BCL11A: variants seen among roughly 807,000 people sequenced by gnomAD.
BCL11A encodes the protein B cell CLL/lymphoma 11A.
A neutral mutation model predicts 55.9 loss-of-function variants in BCL11A; 2 were observed. The ratio of observed to expected loss-of-function variants is 0.04; its 90% CI spans 0.01 to 0.11. The LOEUF (loss-of-function observed/expected upper bound fraction) is 0.11. BCL11A is among the 10% of genes least tolerant of loss of function. The probability of loss-of-function intolerance (pLI) is 1.00; values close to 1 mark genes in which losing one functional copy is unlikely to be tolerated. For synonymous variants in BCL11A, 465 were observed against 473.4 expected (o/e 0.98, Z 0.23); for missense variants, 817 against 1,137.1 (o/e 0.72, Z 4.05).
At position 60,468,848 on chromosome 2, in the gene BCL11A, C is replaced by T; in HGVS notation, c.386-15G>A. 2 of 1,535,064 alleles carry T rather than the reference C, an allele frequency of 1.3e-6. No individual in the cohort carries two copies. Among genetic ancestry groups the T allele is most frequent in the Non-Finnish European group, 1.8e-6 (2 of 1,114,734 alleles). On this transcript the variant is annotated splice_polypyrimidine_tract_variant and intron_variant, in intron 2 of 3. Coordinates refer to ENST00000642384, the MANE Select transcript of BCL11A (RefSeq NM_022893.4). Reference sequence around the variant, plus strand: ...CAGAAGTTTATCTGTGAAAGAAACCCAAAATCAAGCACTACAGCTACAAAC... The same window carrying T: ...CAGAAGTTTATCTGTGAAAGAAACCTAAAATCAAGCACTACAGCTACAAAC...
chr2:60,542,154 G>T (rs958559920), intron 2 of BCL11A: 3 of 352,560 alleles, frequency 8.5e-6, no homozygotes, highest in African/African-American at 6.4e-5. Context: ...CTATGTTCAT[G>T]ATTTTAAAGA....
At chr2:60,527,675 C>T (rs950068314) in intron 2 of BCL11A, 6 of 152,230 alleles carry the variant, frequency 3.9e-5, no homozygotes, top group Non-Finnish European at 2.9e-5. Flanking sequence ...GAGCTCCCAT[C>T]CGATACTCGC....
chr2:60,492,808 G>C (rs939805788), intron 2 of BCL11A, among the ~76,000 whole-genome samples: 1 of 152,142 alleles, frequency 6.6e-6, no homozygotes, highest in Non-Finnish European at 1.5e-5. Flanking sequence ...GTTTTGTTTT[G>C]TTTCGCTTTA....
chr2:60,450,761 A>C (rs1197998188), downstream of BCL11A: 3 of 152,272 alleles, frequency 2.0e-5, 1 homozygote, highest in Non-Finnish European at 4.4e-5. Context: ...TGGAAAAGCC[A>C]CAGGGGAAAG....
Position 60,481,001 on chromosome 2 carries a change from G to A in BCL11A, c.386-12168C>T, listed in dbSNP as rs1274249463. ...AGGCTAGGAAGCTAGACCTGGGAGGGGCATTACAGGCTGGCTGGAAGCCCC... is the reference window on the plus strand; with the variant it reads ...AGGCTAGGAAGCTAGACCTGGGAGGAGCATTACAGGCTGGCTGGAAGCCCC... On this transcript the variant is annotated intron_variant, in intron 2 of 3. Coordinates refer to ENST00000642384, the MANE Select transcript of BCL11A (RefSeq NM_022893.4). Among the ~76,000 whole-genome samples the A allele has an allele frequency of 2.0e-5, 3 of 152,232 alleles. No individual in the cohort carries two copies. The East Asian group carries it at 5.8e-4, about 30-fold the overall frequency.
chr2:60,492,806 T>G (rs1285796580), intron 2 of BCL11A, among the ~76,000 whole-genome samples: 1 of 152,230 alleles, frequency 6.6e-6, no homozygotes, highest in Non-Finnish European at 1.5e-5. Context: ...GTGTTTTGTT[T>G]TGTTTCGCTT....
At chr2:60,469,417 AC>A (rs1467722647) in intron 2 of BCL11A, among the ~76,000 whole-genome samples, 1 of 152,118 alleles carries the variant, frequency 6.6e-6, no homozygotes, top group Non-Finnish European at 1.5e-5. Flanking sequence ...GCATTTCTGG[AC>A]TGAGCTGGGC....
chr2:60,456,145 C>T (rs553682577), downstream of BCL11A, among the ~76,000 whole-genome samples: 1 of 152,186 alleles, frequency 6.6e-6, no homozygotes, highest in Admixed American at 6.5e-5. Context: ...ATGAAAAGGC[C>T]ACCTCACAGG....
At chr2:60,467,236 A>AGTG (rs1172621954) in intron 3 of BCL11A, among the ~76,000 whole-genome samples, 1 of 38,852 alleles carries the variant, frequency 2.6e-5, no homozygotes, top group Non-Finnish European at 5.4e-5. Flanking sequence ...TGGTGGTGGT[A>AGTG]GTGATGGTGG....
chr2:60,533,425 G>C (rs1217507010), intron 2 of BCL11A: 2 of 152,178 alleles, frequency 1.3e-5, no homozygotes. Context: ...ATGTCACAAA[G>C]ACCTTCCTAT....
chr2:60,470,740 A>G (rs959624246), intron 2 of BCL11A, among the ~76,000 whole-genome samples: 3 of 152,194 alleles, frequency 2.0e-5, no homozygotes, highest in Non-Finnish European at 2.9e-5. Flanking sequence ...AGATCTCTAC[A>G]GTGTCTGGCC....
chr2:60,553,779 G>T (rs1670520654), upstream of BCL11A: 1 of 148,562 alleles, frequency 6.7e-6, no homozygotes, highest in African/African-American at 2.5e-5. Flanking sequence ...GCCAGTGCGG[G>T]GAGGGGGAGG....
In BCL11A at chr2:60,461,823, C is replaced by T. The variant is rs1250985191; in HGVS notation, c.1089G>A (p.Leu363=). The T allele has an allele frequency of 1.3e-6, 2 of 1,575,600 alleles. No individual in the cohort carries two copies. Among genetic ancestry groups the T allele is most frequent in the Non-Finnish European group, 1.7e-6 (2 of 1,159,670 alleles). ...GCTGGGAGGGAGGAGGGGCGGATTGCAGAGGAGGGAGGGGGGGCGTCGCCA... is the reference window on the plus strand; with the variant it reads ...GCTGGGAGGGAGGAGGGGCGGATTGTAGAGGAGGGAGGGGGGGCGTCGCCA... The part of the protein sequence containing the change: ...PFLATPPLPP[L]QSAPPPSQPP... Residue 363 remains leucine, a synonymous_variant, in exon 4 of 4, where the codon CTG becomes CTA. Coordinates refer to ENST00000642384, the MANE Select transcript of BCL11A (RefSeq NM_022893.4).
downstream of BCL11A, among the ~76,000 whole-genome samples, chr2:60,455,964 C>T (rs370588934): frequency 1.3e-5 from 2 of 152,022 alleles, no homozygotes; most frequent in African/African-American, 2.4e-5. Flanking sequence ...CTCAAGGTAC[C>T]GCACGCCCAC....
intron 2 of BCL11A, among the ~76,000 whole-genome samples, chr2:60,501,569 G>C (rs561383650): frequency 6.7e-6 from 1 of 149,812 alleles, no homozygotes; most frequent in East Asian, 1.9e-4. Flanking sequence ...GGGTGCAATG[G>C]TGTGATCTCG....
chr2:60,513,549 T>G (rs535550102), intron 2 of BCL11A, among the ~76,000 whole-genome samples: 3 of 152,338 alleles, frequency 2.0e-5, no homozygotes, highest in South Asian at 2.1e-4. Flanking sequence ...CAAATCTTCA[T>G]GTCCTGTCTG....
intron 2 of BCL11A, chr2:60,526,764 T>G (rs998395597): frequency 5.3e-5 from 8 of 152,224 alleles, no homozygotes; most frequent in African/African-American, 1.9e-4. Context: ...ACATGACAAC[T>G]GTGTAAAAGT....
At chr2:60,510,357 A>C (rs966130699) in intron 2 of BCL11A, among the ~76,000 whole-genome samples, 9 of 152,032 alleles carry the variant, frequency 5.9e-5, no homozygotes, top group Non-Finnish European at 1.3e-4. Context: ...CGTATTACAC[A>C]CAAGGTCTCT....
At chr2:60,544,828 T>C (rs939833088) in intron 2 of BCL11A, 3 of 152,344 alleles carry the variant, frequency 2.0e-5, no homozygotes, top group South Asian at 2.1e-4. Flanking sequence ...AGAATCTGCA[T>C]TGACTTTTGT....
Sources: allele counts gnomAD v4.1 joint callset (sites outside exome capture counted in the v4.1 genomes callset), GRCh38; gene constraint gnomAD v4.1.1; transcripts MANE v1.5; gene names NCBI Gene and HGNC (gene_info 2026-07-23, HGNC 2026-07-21).